The following RGP1 variants were observed in gnomAD, a reference collection of about 807,000 sequenced individuals.
RGP1 encodes the protein RGP1 partner of RAB6A GEF complex, also known as RAB6A-GEF complex partner protein 2.
RGP1 carries 28 observed loss-of-function variants against 44.5 expected under a neutral mutation model. The ratio of observed to expected loss-of-function variants is 0.63; its 90% confidence interval spans 0.47 to 0.86. The LOEUF (loss-of-function observed/expected upper bound fraction) is 0.86, where lower values mean the gene tolerates loss of function less well. RGP1 is among the 40% of genes least tolerant of loss of function. RGP1 has a pLI of 0.00. For missense variants in RGP1, 417 were observed against 490.7 expected (o/e 0.85, Z 1.42); for synonymous variants, 212 against 196.7 (o/e 1.08, Z -0.65).
At chr9:35,786,379 A>C in the RGP1 span, among the ~76,000 whole-genome samples, 3 of 152,208 alleles carry the variant, frequency 2.0e-5, no homozygotes, top group Non-Finnish European at 4.4e-5. Context: ...GGATGCTCCC[A>C]AAGGGTGGTA....
chr9:35,751,225 G>A (rs756849868), intron 5 of RGP1, 41 bp from the exon 6 acceptor site: 10 of 1,609,136 alleles, frequency 6.2e-6, no homozygotes, highest in South Asian at 2.2e-5. Flanking sequence ...TCTCATCTCC[G>A]TTCCCTCTCA....
rs759911914 is a variant in RGP1, at chr9:35,749,324, C to CGCCGCG, written c.-99_-98insGGCCGC. 1.7e-5 allele frequency: 9 copies of CGCCGCG among 527,472 alleles called. 1 individual carries two copies. Among genetic ancestry groups the CGCCGCG allele is most frequent in the South Asian group, 1.3e-4 (9 of 70,826 alleles). The allele number at this position is 527,472 out of a possible 1,614,324, so 32.7% of individuals were successfully genotyped here. A position where few individuals can be genotyped will look rare whatever the true frequency, so the allele number is the denominator to read the frequency against. On this transcript the variant is annotated 5_prime_UTR_variant, in exon 1 of 9. Coordinates refer to ENST00000378078, the MANE Select transcript of RGP1 (RefSeq NM_001080496.3). The surrounding 1 kb of genome is among the most constrained non-coding windows in gnomAD (Gnocchi z 4.4). ...ACCGCCCAGCGGACGCCGCCGCCGC[C>CGCCGCG]GCCGCCGCCGCGTACCTAGCCAGGT...
intron 2 of RGP1, 114 bp from the exon 3 acceptor site, chr9:35,750,129 G>A: frequency 7.1e-7 from 1 of 1,416,026 alleles, no homozygotes; most frequent in South Asian, 1.4e-5. Flanking sequence ...TGGATTTCCT[G>A]ATCACTAGGA....
Position 35,752,061 on chromosome 9 carries a change from C to G in RGP1, c.868C>G (p.Gln290Glu). 1.9e-6 allele frequency: 3 copies of G among 1,611,230 alleles called. No individual in the cohort carries two copies. The highest frequency in any genetic ancestry group is 2.2e-5 in the South Asian group (2 of 90,658). ...GTCACATGTGACTCACGCCCGGCAC[C>G]AGGAATCCTGCCTACATACAACTAG... ...SVSHVTHARH[Q>E]ESCLHTTRTS... The change falls in exon 8 of 9, where the codon CAG becomes GAG. Residue 290 changes from glutamine (Q) to glutamate (E), a missense_variant. Coordinates refer to ENST00000378078, the MANE Select transcript of RGP1 (RefSeq NM_001080496.3).
the RGP1 span, among the ~76,000 whole-genome samples, chr9:35,775,309 C>T: frequency 6.6e-6 from 1 of 152,112 alleles, no homozygotes; most frequent in East Asian, 1.9e-4. Flanking sequence ...GAAGGTGAGG[C>T]AATGCAGGGG....
At chr9:35,789,281 G>C in the RGP1 span, among the ~76,000 whole-genome samples, 1 of 150,542 alleles carries the variant, frequency 6.6e-6, no homozygotes, top group Non-Finnish European at 1.5e-5. Flanking sequence ...GCCTCCTAAA[G>C]TGCTGGGATT....
chr9:35,785,070 G>T, the RGP1 span, among the ~76,000 whole-genome samples: 69 of 152,236 alleles, frequency 4.5e-4, 1 homozygote, highest in African/African-American at 1.6e-3. Context: ...TGCTCCAAAG[G>T]TTTTTACACC....
chr9:35,769,031 A>C, the RGP1 span, among the ~76,000 whole-genome samples: 2 of 152,210 alleles, frequency 1.3e-5, no homozygotes, highest in African/African-American at 2.4e-5. Flanking sequence ...TGAATGTGGA[A>C]TGAGGCAGGC....
At chr9:35,788,260 G>C in the RGP1 span, among the ~76,000 whole-genome samples, 1 of 152,144 alleles carries the variant, frequency 6.6e-6, no homozygotes, top group African/African-American at 2.4e-5. Flanking sequence ...CTGCAGTTTA[G>C]TTCTGGATCA....
Position 35,749,368 on chromosome 9 carries a change from T to A in RGP1, c.-60T>A, listed in dbSNP as rs371309471. 611 of 541,674 alleles carry A rather than the reference T, an allele frequency of 1.1e-3. 2 individuals carry two copies. Among genetic ancestry groups the A allele is most frequent in the African/African-American group, 0.01 (536 of 52,288 alleles). 33.6% of individuals were successfully genotyped at this position (541,674 alleles called of 1,614,324 possible). A position where few individuals can be genotyped will look rare whatever the true frequency, so the allele number is the denominator to read the frequency against. On this transcript the variant is annotated 5_prime_UTR_variant, in exon 1 of 9. It removes an upstream start codon present in the reference 5' UTR. Coordinates refer to ENST00000378078, the MANE Select transcript of RGP1 (RefSeq NM_001080496.3). The surrounding 1 kb of genome is among the most constrained non-coding windows in gnomAD (Gnocchi z 4.4). ...GCCAGGTCCCTGAGGGGCGGGCAGA[T>A]GAGGCCTAGGGGTGCCGATCCCTAG...
At position 35,751,251 on chromosome 9, in the gene RGP1, TCA is replaced by T; in HGVS notation, c.488-14_488-13del. The T allele has an allele frequency of 6.2e-7, 1 of 1,613,556 alleles. No homozygotes were observed. Among genetic ancestry groups the T allele is most frequent in the South Asian group, 1.1e-5 (1 of 91,066 alleles). Reference sequence around the variant, plus strand: ...TTCCCTCTCAGCATTACCTCTCCACTCATTCTTTCTCTAGGCCTTCAGGATGT... The same window carrying T: ...TTCCCTCTCAGCATTACCTCTCCACTTTCTTTCTCTAGGCCTTCAGGATGT... On this transcript the variant is annotated splice_polypyrimidine_tract_variant and intron_variant, in intron 5 of 8. Coordinates refer to ENST00000378078, the MANE Select transcript of RGP1 (RefSeq NM_001080496.3).
In RGP1 at chr9:35,753,246, C is replaced by T. The variant is rs1162476827; in HGVS notation, c.*372C>T. On this transcript the variant is annotated 3_prime_UTR_variant, in exon 9 of 9. Coordinates refer to ENST00000378078, the MANE Select transcript of RGP1 (RefSeq NM_001080496.3). This position sits in a 1 kb window ranked among gnomAD's most constrained non-coding sequence, Gnocchi z 4.2. ...CAGGTTCCTGCCTCCTGACGTACCT[C>T]ACACCCAGCCGGGAAGTCGATGGGA... 1.9e-6 allele frequency: 3 copies of T among 1,614,124 alleles called. No homozygotes were observed. Among genetic ancestry groups the T allele is most frequent in the Admixed American group, 1.7e-5 (1 of 60,030 alleles).
At chr9:35,771,485 G>A in the RGP1 span, among the ~76,000 whole-genome samples, 1 of 152,218 alleles carries the variant, frequency 6.6e-6, no homozygotes, top group African/African-American at 2.4e-5. Flanking sequence ...CAAAATTGCT[G>A]TCTTCTAATT....
intron 6 of RGP1, 83 bp from the exon 7 acceptor site, chr9:35,751,544 C>T: frequency 6.3e-7 from 1 of 1,599,800 alleles, no homozygotes; most frequent in Non-Finnish European, 8.6e-7. Context: ...TAAAGAAAAG[C>T]CCCATCTTTT....
the RGP1 span, among the ~76,000 whole-genome samples, chr9:35,781,505 G>A: frequency 5.9e-5 from 9 of 151,962 alleles, no homozygotes; most frequent in African/African-American, 2.2e-4. Context: ...TGTAGTAGTT[G>A]GAGGCCGCAG....
chr9:35,752,558 A>C, intron 8 of RGP1, 93 bp from the exon 9 acceptor site: 1 of 1,123,976 alleles, frequency 8.9e-7, no homozygotes, highest in East Asian at 2.6e-5. Context: ...CTGAACACAG[A>C]TTGTTTTCTT....
chr9:35,773,159 C>T, the RGP1 span, among the ~76,000 whole-genome samples: 1 of 152,112 alleles, frequency 6.6e-6, no homozygotes, highest in African/African-American at 2.4e-5. Context: ...GAGGCTGAGT[C>T]GGGAGGATCA....
Position 35,753,659 on chromosome 9 carries a change from C to G in RGP1, c.*785C>G. 1 of 1,612,420 alleles carries G rather than the reference C, an allele frequency of 6.2e-7. No individual in the cohort carries two copies. Among genetic ancestry groups the G allele is most frequent in the Non-Finnish European group, 8.5e-7 (1 of 1,178,670 alleles). On this transcript the variant is annotated 3_prime_UTR_variant, in exon 9 of 9. Transcript: ENST00000378078. This position sits in a 1 kb window ranked among gnomAD's most constrained non-coding sequence, Gnocchi z 4.2. Reference sequence around the variant, plus strand: ...CTCTCTGGCCATCTTTGGTCACTCACGTGTCACAGCAGCCCACGCCAACAG... The same window carrying G: ...CTCTCTGGCCATCTTTGGTCACTCAGGTGTCACAGCAGCCCACGCCAACAG...
chr9:35,788,495 G>A, the RGP1 span, among the ~76,000 whole-genome samples: 1 of 151,866 alleles, frequency 6.6e-6, no homozygotes, highest in Admixed American at 6.6e-5. Flanking sequence ...GAACCTGGGA[G>A]ATGGAGGTTG....
Sources: allele counts gnomAD v4.1 joint callset (sites outside exome capture counted in the v4.1 genomes callset), GRCh38; gene constraint gnomAD v4.1.1; non-coding constraint Gnocchi (gnomAD v3.1); transcripts MANE v1.5; gene names NCBI Gene and HGNC (gene_info 2026-07-23, HGNC 2026-07-21).